CNOT1: variants seen among roughly 807,000 people sequenced by gnomAD.
CNOT1 encodes CCR4-NOT transcription complex subunit 1, also known as CCR4-associated factor 1.
A neutral mutation model predicts 273.8 loss-of-function variants in CNOT1; 15 were observed. That is an observed-to-expected ratio of 0.05 (90% CI 0.04 to 0.08). CNOT1 has a LOEUF of 0.08. CNOT1 is among the 10% of genes least tolerant of loss of function. CNOT1 has a pLI of 1.00. For synonymous variants in CNOT1, 1,022 were observed against 1,005.5 expected, an observed-to-expected ratio of 1.02 and a Z score of -0.31; for missense variants, 1,644 against 2,912.2, an observed-to-expected ratio of 0.56 and a Z score of 10.02.
At chr16:58,560,037 T>C in intron 17 of CNOT1, 175 bp downstream of exon 17, 2 of 1,475,390 alleles carry the variant, frequency 1.4e-6, no homozygotes, top group Non-Finnish European at 1.8e-6. Flanking sequence ...TATTTGATGA[T>C]AAAATCTATT....
intron 30 of CNOT1, 29 bp downstream of exon 30, chr16:58,545,332 G>A (rs760659028): frequency 1.2e-6 from 2 of 1,604,950 alleles, no homozygotes; most frequent in Admixed American, 3.4e-5. Flanking sequence ...CAAACTAGAA[G>A]CTGGGAGAAT....
intron 2 of CNOT1, among the ~76,000 whole-genome samples, chr16:58,594,175 C>T (rs986431872): frequency 9.2e-5 from 14 of 151,894 alleles, no homozygotes; most frequent in African/African-American, 2.9e-4. Flanking sequence ...ACCCGGGAGG[C>T]GGAGGTTGCA....
At chr16:58,584,968 T>C (rs1421001471) in intron 8 of CNOT1, among the ~76,000 whole-genome samples, 1 of 151,950 alleles carries the variant, frequency 6.6e-6, no homozygotes, top group South Asian at 2.1e-4. Context: ...ATGAAGAAAT[T>C]AGAGGGGTGG....
At chr16:58,521,389 T>A in intron 47 of CNOT1, 72 bp from the exon 48 acceptor site, 1 of 1,470,228 alleles carries the variant, frequency 6.8e-7, no homozygotes, top group Non-Finnish European at 9.2e-7. Context: ...CCATTACTTT[T>A]TTTCTAACTT....
In CNOT1 at chr16:58,606,010, A is replaced by G. The variant is rs538179256; in HGVS notation, c.-174-6499T>C. Among the ~76,000 whole-genome samples, 16 of 152,252 alleles carry G rather than the reference A, an allele frequency of 1.1e-4. No individual in the cohort carries two copies. In the South Asian group the frequency reaches 3.3e-3, roughly 32 times the overall value. On this transcript the variant is annotated intron_variant, in intron 1 of 48. Coordinates refer to ENST00000317147, the MANE Select transcript of CNOT1 (RefSeq NM_016284.5). Reference sequence around the variant, plus strand: ...AGCACTTCTCAATTAAACGATGCACAGTGCAAATGAAAGGTCACTGACATT... The same window carrying G: ...AGCACTTCTCAATTAAACGATGCACGGTGCAAATGAAAGGTCACTGACATT...
chr16:58,595,993 T>G (rs1303904868), intron 2 of CNOT1, among the ~76,000 whole-genome samples: 1 of 152,258 alleles, frequency 6.6e-6, no homozygotes, highest in Non-Finnish European at 1.5e-5. Flanking sequence ...CTTGTGCTTT[T>G]CTTTTGGGAT....
intron 14 of CNOT1, 113 bp from the exon 15 acceptor site, chr16:58,575,242 T>C: frequency 6.9e-7 from 1 of 1,438,996 alleles, no homozygotes; most frequent in Non-Finnish European, 9.3e-7. Flanking sequence ...ACACTGCTAA[T>C]ACTTCCTTGG....
At chr16:58,627,973 A>T (rs1597639334) in intron 1 of CNOT1, among the ~76,000 whole-genome samples, 1 of 152,062 alleles carries the variant, frequency 6.6e-6, no homozygotes, top group African/African-American at 2.4e-5. Context: ...GATTACAGGC[A>T]CCTGCCACCA....
At chr16:58,606,904 C>T (rs2042700368) in intron 1 of CNOT1, among the ~76,000 whole-genome samples, 1 of 142,916 alleles carries the variant, frequency 7.0e-6, no homozygotes, top group Admixed American at 7.2e-5. Flanking sequence ...ATACATAAAC[C>T]ACTACCTACT....
At chr16:58,603,787 T>C (rs1264277437) in intron 1 of CNOT1, among the ~76,000 whole-genome samples, 1 of 152,104 alleles carries the variant, frequency 6.6e-6, no homozygotes, top group East Asian at 1.9e-4. Flanking sequence ...ACCTTCTCAG[T>C]GAAGACACTC....
intron 10 of CNOT1, among the ~76,000 whole-genome samples, chr16:58,582,457 T>C (rs1294741776): frequency 6.6e-6 from 1 of 152,160 alleles, no homozygotes; most frequent in Non-Finnish European, 1.5e-5. Context: ...AGAGTTCAAT[T>C]CCTTTATGTC....
intron 24 of CNOT1, among the ~76,000 whole-genome samples, chr16:58,550,379 T>A (rs1433589618): frequency 1.3e-5 from 2 of 152,176 alleles, no homozygotes; most frequent in Non-Finnish European, 2.9e-5. Context: ...ATACCTCCAC[T>A]ACCTCGGAGA....
rs1319486973 is a variant in CNOT1, at chr16:58,612,258, G to A, written c.-174-12747C>T. Reference sequence around the variant, plus strand: ...AGAAGACAAGTAGGCAAGACCCAACGCTATCAGTTTATTGAACTGCCAACT... The same window carrying A: ...AGAAGACAAGTAGGCAAGACCCAACACTATCAGTTTATTGAACTGCCAACT... On this transcript the variant is annotated intron_variant, in intron 1 of 48. Coordinates refer to ENST00000317147, the MANE Select transcript of CNOT1 (RefSeq NM_016284.5). 1.3e-5 allele frequency among the ~76,000 whole-genome samples: 2 copies of A among 152,078 alleles called. 1 individual carries two copies. Among genetic ancestry groups the A allele is most frequent in the South Asian group, 4.1e-4 (2 of 4,826 alleles).
Position 58,560,050 on chromosome 16 carries a change from T to C in CNOT1, c.2130+162A>G, listed in dbSNP as rs554308264. ...TCTATTTGATGATAAAATCTATTGT[T>C]AACTACAATGCCTATTTACATATCT... On this transcript the variant is annotated intron_variant, in intron 17 of 48. Coordinates refer to ENST00000317147, the MANE Select transcript of CNOT1 (RefSeq NM_016284.5). 8.0e-5 allele frequency: 120 copies of C among 1,493,898 alleles called. No individual in the cohort carries two copies. In the African/African-American group the frequency reaches 1.5e-3, roughly 19 times the overall value. 92.5% of individuals were successfully genotyped at this position (1,493,898 alleles called of 1,614,324 possible).
intron 1 of CNOT1, among the ~76,000 whole-genome samples, chr16:58,609,189 T>G (rs1443531183): frequency 1.3e-5 from 2 of 152,028 alleles, no homozygotes; most frequent in Non-Finnish European, 2.9e-5. Flanking sequence ...CTGACCAACA[T>G]GGTGAAACTC....
intron 2 of CNOT1, among the ~76,000 whole-genome samples, chr16:58,596,605 C>T (rs907506940): frequency 1.5e-4 from 23 of 151,980 alleles, no homozygotes; most frequent in African/African-American, 2.4e-5. Context: ...AGTCAATTTA[C>T]CGCTGGGCAC....
chr16:58,553,969 G>T (rs2040540953), intron 21 of CNOT1, 109 bp from the exon 22 acceptor site: 8 of 1,334,648 alleles, frequency 6.0e-6, no homozygotes, highest in Non-Finnish European at 5.8e-6. Flanking sequence ...TCTTACCTAT[G>T]AATAACTTAT....
chr16:58,614,078 C>T (rs1045683455), intron 1 of CNOT1, among the ~76,000 whole-genome samples: 1 of 89,920 alleles, frequency 1.1e-5, no homozygotes, highest in African/African-American at 4.1e-5. Context: ...GGCGACAGGG[C>T]GAGACACTGT....
chr16:58,581,154 C>G (rs565649443), intron 11 of CNOT1, among the ~76,000 whole-genome samples, 191 bp downstream of exon 11: 1 of 152,130 alleles, frequency 6.6e-6, no homozygotes, highest in African/African-American at 2.4e-5. Flanking sequence ...ACAGTTACAC[C>G]TTAAAGGAGT....
Sources: gnomAD v4.1 joint callset for allele counts (sites outside exome capture counted in the v4.1 genomes callset) on GRCh38, gnomAD v4.1.1 for gene constraint, MANE v1.5 for transcripts, NCBI Gene and HGNC (gene_info 2026-07-23, HGNC 2026-07-21) for gene names.